Variants in NRXN1 observed in about 807,000 individuals in gnomAD.
NRXN1 encodes the protein neurexin-1.
NRXN1 carries 39 observed loss-of-function variants against 150.9 expected under a neutral mutation model. The observed-to-expected ratio is 0.26, with a 90% confidence interval of 0.20 to 0.34. The LOEUF (loss-of-function observed/expected upper bound fraction) is 0.34, where lower values mean the gene tolerates loss of function less well. NRXN1 is among the 10% of genes least tolerant of loss of function. The pLI is 1.00. For missense variants in NRXN1, 1,815 were observed against 1,949.9 expected, an observed-to-expected ratio of 0.93 and a Z score of 1.30; for synonymous variants, 924 against 757.0, an observed-to-expected ratio of 1.22 and a Z score of -3.62.
At chr2:50,318,560 C>T (rs1031429046) in intron 17 of NRXN1, among the ~76,000 whole-genome samples, 6 of 151,898 alleles carry the variant, frequency 4.0e-5, no homozygotes, top group Admixed American at 3.3e-4. Flanking sequence ...GAGTGGGTTA[C>T]AATATTGTGA....
chr2:50,612,138 T>G (rs550202921), intron 8 of NRXN1, among the ~76,000 whole-genome samples: 1 of 152,246 alleles, frequency 6.6e-6, no homozygotes, highest in South Asian at 2.1e-4. Flanking sequence ...GGAGCTTAGT[T>G]TTGTTACTTA....
chr2:50,822,499 A>T (rs1331927132), intron 5 of NRXN1, among the ~76,000 whole-genome samples: 1 of 152,144 alleles, frequency 6.6e-6, no homozygotes, highest in Non-Finnish European at 1.5e-5. Flanking sequence ...TCACCTTTGC[A>T]TAATATAAGA....
intron 17 of NRXN1, among the ~76,000 whole-genome samples, chr2:50,341,790 T>TA (rs2152993352): frequency 6.6e-6 from 1 of 152,320 alleles, no homozygotes; most frequent in Non-Finnish European, 1.5e-5. Flanking sequence ...TCTAGAACAT[T>TA]AATAATGAAG....
intron 5 of NRXN1, among the ~76,000 whole-genome samples, chr2:50,781,103 T>G (rs1352626909): frequency 6.6e-6 from 1 of 152,150 alleles, no homozygotes; most frequent in Non-Finnish European, 1.5e-5. Context: ...TATCAGCAAT[T>G]TTTTGTGCTG....
rs1401899639 is a variant in NRXN1 at position 50,477,818 on chromosome 2, TACTTTCCTATAGCTGG to T, written c.3071-5363_3071-5348del. 2.0e-5 allele frequency among the ~76,000 whole-genome samples: 3 copies of T among 152,208 alleles called. No individual in the cohort carries two copies. In the East Asian group the frequency reaches 5.8e-4, roughly 29 times the overall value. On this transcript the variant is annotated intron_variant, in intron 15 of 22. Coordinates refer to ENST00000401669, the MANE Select transcript of NRXN1 (RefSeq NM_001330078.2). Reference sequence around the variant, plus strand: ...AAAAGTGAAGTCACACAAATTAGCTTACTTTCCTATAGCTGGACTAGAGAAAGTGCAATTCTAGACA... The same window carrying T: ...AAAAGTGAAGTCACACAAATTAGCTTACTAGAGAAAGTGCAATTCTAGACA...
intron 17 of NRXN1, among the ~76,000 whole-genome samples, chr2:50,285,400 CA>C (rs1357197010): frequency 6.6e-6 from 1 of 152,130 alleles, no homozygotes; most frequent in East Asian, 1.9e-4. Context: ...CATTCCATAG[CA>C]GGGCGCAGTC....
At chr2:50,417,543 T>G (rs1288926267) in intron 17 of NRXN1, among the ~76,000 whole-genome samples, 1 of 151,834 alleles carries the variant, frequency 6.6e-6, no homozygotes, top group Non-Finnish European at 1.5e-5. Flanking sequence ...ACATTCTGCT[T>G]GGTAGTAGGG....
intron 19 of NRXN1, among the ~76,000 whole-genome samples, chr2:50,080,219 G>A (rs1395785770): frequency 6.6e-6 from 1 of 152,122 alleles, no homozygotes; most frequent in Non-Finnish European, 1.5e-5. Context: ...AGGAGAGAGA[G>A]AGGAAGAGGC....
chr2:50,909,124 C>T (rs1374251532), intron 5 of NRXN1, among the ~76,000 whole-genome samples: 1 of 151,934 alleles, frequency 6.6e-6, no homozygotes, highest in Non-Finnish European at 1.5e-5. Context: ...AAACAGAGCA[C>T]AGCACATCGG....
At chr2:50,548,102 C>T (rs967474115) in intron 9 of NRXN1, 1 of 152,090 alleles carries the variant, frequency 6.6e-6, no homozygotes, top group African/African-American at 2.4e-5. Flanking sequence ...GGGAAGGCCA[C>T]CAAAAAGATG....
At chr2:49,967,108 T>A (rs1245330677) in intron 21 of NRXN1, among the ~76,000 whole-genome samples, 1 of 152,098 alleles carries the variant, frequency 6.6e-6, no homozygotes, top group Non-Finnish European at 1.5e-5. Flanking sequence ...AGTGCATCTA[T>A]GACACAAAAA....
At chr2:50,267,217 C>G (rs1337321342) in intron 17 of NRXN1, among the ~76,000 whole-genome samples, 2 of 152,184 alleles carry the variant, frequency 1.3e-5, no homozygotes, top group Non-Finnish European at 2.9e-5. Context: ...AAGCTAGTCC[C>G]ATTTCTGACT....
chr2:50,523,198 C>T (rs2092845641), intron 12 of NRXN1, among the ~76,000 whole-genome samples: 1 of 151,976 alleles, frequency 6.6e-6, no homozygotes, highest in Non-Finnish European at 1.5e-5. Flanking sequence ...TCATTCCCTT[C>T]ACATATACTT....
intron 8 of NRXN1, among the ~76,000 whole-genome samples, chr2:50,565,604 T>G (rs1287700862): frequency 6.6e-6 from 1 of 152,132 alleles, no homozygotes; most frequent in South Asian, 2.1e-4. Context: ...ATATATAAAA[T>G]TTTACTCAGT....
intron 5 of NRXN1, among the ~76,000 whole-genome samples, chr2:50,912,580 T>TA (rs1162108769): frequency 6.6e-6 from 1 of 151,262 alleles, no homozygotes; most frequent in African/African-American, 2.4e-5. Context: ...AACATGTGAG[T>TA]AACTGCTCTG....
chr2:50,495,932 C>A lies in NRXN1; in HGVS notation c.3043G>T (p.Ala1015Ser), dbSNP rs558347422. The A allele has an allele frequency of 6.2e-6, 10 of 1,607,850 alleles. No individual in the cohort carries two copies. The East Asian group carries it at 2.2e-4, about 36-fold the overall frequency. The change falls in exon 15 of 23, where the codon GCC (alanine) becomes TCC (serine). Residue 1015 changes from alanine (A) to serine (S), a missense_variant. Physicochemically the swap from Ala to Ser is moderately conservative, Grantham distance 99. Around this residue, in one of 6 missense-constraint regions of NRXN1, gnomAD observed 339 missense variants for 440.3 expected, o/e 0.77. Coordinates refer to ENST00000401669, the MANE Select transcript of NRXN1 (RefSeq NM_001330078.2). ...IDTKITTQIT[A>S]GARNLDLKSD... ...TTGAGGTCTAAGTTCCTGGCTCCGG[C>A]GGTGATTTGCGTTGTGATTTTTGTG... is the stretch of plus-strand genomic sequence containing the variant.
At chr2:50,040,321 T>C (rs1690736129) in intron 21 of NRXN1, among the ~76,000 whole-genome samples, 1 of 151,000 alleles carries the variant, frequency 6.6e-6, no homozygotes, top group Admixed American at 6.6e-5. Flanking sequence ...CAACAAAATT[T>C]ATATATAATT....
At chr2:50,512,041 A>T (rs1318054457) in intron 12 of NRXN1, among the ~76,000 whole-genome samples, 1 of 151,988 alleles carries the variant, frequency 6.6e-6, no homozygotes, top group Non-Finnish European at 1.5e-5. Context: ...CTCTATTCCT[A>T]TTTTTATCTG....
intron 17 of NRXN1, among the ~76,000 whole-genome samples, chr2:50,353,712 G>A (rs1394033877): frequency 1.3e-5 from 2 of 152,064 alleles, no homozygotes; most frequent in East Asian, 1.9e-4. Flanking sequence ...TAAAGATAAT[G>A]AGCTGCGATG....
Sources: gnomAD v4.1 joint callset for allele counts (sites outside exome capture counted in the v4.1 genomes callset) on GRCh38, gnomAD v4.1.1 for gene constraint, gnomAD v4.1.1 regional missense constraint, MANE v1.5 for transcripts, NCBI Gene and HGNC (gene_info 2026-07-23, HGNC 2026-07-21) for gene names.